The following P3H2 variants were observed in gnomAD, a reference collection of about 807,000 sequenced individuals.
P3H2 encodes the protein leprecan-like 1.
P3H2 carries 80 observed loss-of-function variants against 87.0 expected under a neutral mutation model. That is an observed-to-expected ratio of 0.92 (90% CI 0.77 to 1.11). The LOEUF (loss-of-function observed/expected upper bound fraction) is 1.11, where lower values mean the gene tolerates loss of function less well. Ranked by LOEUF, P3H2 falls within the 50% of genes least tolerant of loss-of-function variation. The pLI is 0.00. For synonymous variants in P3H2, 367 were observed against 359.3 expected, an observed-to-expected ratio of 1.02 and a Z score of -0.24; for missense variants, 1,001 against 923.9, an observed-to-expected ratio of 1.08 and a Z score of -1.08.
intron 1 of P3H2, among the ~76,000 whole-genome samples, chr3:190,040,033 T>A (rs1413984820): frequency 6.6e-6 from 1 of 152,238 alleles, no homozygotes; most frequent in Admixed American, 6.5e-5. Flanking sequence ...GTGACTATAG[T>A]TGCATTAGAT....
intron 1 of P3H2, among the ~76,000 whole-genome samples, chr3:190,062,250 T>C (rs774179767): frequency 3.9e-5 from 6 of 152,126 alleles, no homozygotes; most frequent in Admixed American, 1.3e-4. Context: ...ACCCTAATCT[T>C]TCCCCCTGTA....
intron 1 of P3H2, among the ~76,000 whole-genome samples, chr3:190,070,898 T>A (rs2108972781): frequency 6.6e-6 from 1 of 152,334 alleles, no homozygotes; most frequent in South Asian, 2.1e-4. Flanking sequence ...GACCAGAACA[T>A]CATAATCATA....
intron 10 of P3H2, among the ~76,000 whole-genome samples, chr3:189,973,506 TCTTTC>T (rs1560343041): frequency 3.2e-5 from 2 of 63,472 alleles, no homozygotes; most frequent in African/African-American, 4.6e-5. Context: ...TTTCTTTCTT[TCTTTC>T]TTTTTTTTTT....
chr3:189,993,986 T>C (rs1490216096), intron 3 of P3H2, 108 bp downstream of exon 3: 1 of 883,420 alleles, frequency 1.1e-6, no homozygotes, highest in African/African-American at 1.7e-5. Flanking sequence ...CATGAGAGTC[T>C]TTTATTTTTA....
chr3:190,066,351 T>C (rs1394661741), intron 1 of P3H2, among the ~76,000 whole-genome samples: 2 of 151,898 alleles, frequency 1.3e-5, no homozygotes, highest in Admixed American at 6.6e-5. Context: ...CTGTATGGGA[T>C]TGGTGACTAT....
chr3:190,072,620 CAAAT>C (rs1452721697), intron 1 of P3H2, among the ~76,000 whole-genome samples: 3 of 152,096 alleles, frequency 2.0e-5, no homozygotes, highest in African/African-American at 7.2e-5. Context: ...AAACTGCACA[CAAAT>C]AACTAAAAAT....
intron 1 of P3H2, among the ~76,000 whole-genome samples, chr3:190,041,102 TA>T: frequency 8.2e-5 from 1 of 12,210 alleles, no homozygotes; most frequent in Non-Finnish European, 1.5e-4. Context: ...TATATATATA[TA>T]TATACTATAT....
At chr3:190,055,308 A>C (rs891120729) in intron 1 of P3H2, among the ~76,000 whole-genome samples, 8 of 152,180 alleles carry the variant, frequency 5.3e-5, no homozygotes, top group Non-Finnish European at 1.0e-4. Flanking sequence ...AAAATTTCCC[A>C]CATTAATTTT....
At chr3:190,087,283 T>C (rs1727247352) in intron 1 of P3H2, among the ~76,000 whole-genome samples, 1 of 152,096 alleles carries the variant, frequency 6.6e-6, no homozygotes, top group Admixed American at 6.6e-5. Flanking sequence ...ACGCCTGTAA[T>C]CCCAGCACTT....
chr3:190,005,257 G>C (rs1325463072), intron 1 of P3H2, among the ~76,000 whole-genome samples: 6 of 151,908 alleles, frequency 3.9e-5, no homozygotes, highest in Admixed American at 3.9e-4. Flanking sequence ...GACATCAAAT[G>C]CTTGTCACAA....
At chr3:189,995,850 T>C (rs1724037992) in intron 1 of P3H2, among the ~76,000 whole-genome samples, 1 of 152,002 alleles carries the variant, frequency 6.6e-6, no homozygotes, top group Non-Finnish European at 1.5e-5. Context: ...AACAGGTGTG[T>C]GAAAAAATGC....
chr3:190,016,027 A>G (rs1462063771), intron 1 of P3H2, among the ~76,000 whole-genome samples: 2 of 151,844 alleles, frequency 1.3e-5, no homozygotes, highest in Non-Finnish European at 2.9e-5. Context: ...ATGAGGGTAG[A>G]CCTCTATTAA....
At chr3:190,066,158 T>TATATATATATATACACACACAC (rs1256956930) in intron 1 of P3H2, among the ~76,000 whole-genome samples, 41 of 134,596 alleles carry the variant, frequency 3.0e-4, no homozygotes, top group Non-Finnish European at 5.4e-4. Context: ...TATATATATA[T>TATATATATATATACACACACAC]ACACACACAC....
chr3:190,001,040 G>A (rs556415357), intron 1 of P3H2, among the ~76,000 whole-genome samples: 8 of 152,222 alleles, frequency 5.3e-5, no homozygotes, highest in African/African-American at 1.9e-4. Context: ...TTCCTGCCTC[G>A]ATTCCTTTCT....
intron 1 of P3H2, among the ~76,000 whole-genome samples, chr3:190,101,812 A>C (rs1711637971): frequency 6.6e-6 from 1 of 152,240 alleles, no homozygotes; most frequent in South Asian, 2.1e-4. Flanking sequence ...AAGATGTCAC[A>C]TAGGACTTTC....
At chr3:190,024,164 C>A (rs1411382110) in intron 1 of P3H2, among the ~76,000 whole-genome samples, 1 of 152,060 alleles carries the variant, frequency 6.6e-6, no homozygotes, top group South Asian at 2.1e-4. Flanking sequence ...AAATATCTAT[C>A]AGAGTACACA....
chr3:190,024,550 A>AAAAAG (rs1725031923), intron 1 of P3H2, among the ~76,000 whole-genome samples: 2 of 149,034 alleles, frequency 1.3e-5, no homozygotes, highest in Non-Finnish European at 3.0e-5. Context: ...AAAAAAAAAA[A>AAAAAG]AAAGAAAGAA....
intron 1 of P3H2, among the ~76,000 whole-genome samples, chr3:190,115,011 CAG>C (rs1277034392): frequency 2.0e-5 from 3 of 152,116 alleles, no homozygotes; most frequent in Non-Finnish European, 4.4e-5. Context: ...GTTGATAAAA[CAG>C]AGTAAGAGTG....
chr3:190,093,879 A>G (rs1433299654), intron 1 of P3H2, among the ~76,000 whole-genome samples: 8 of 152,240 alleles, frequency 5.3e-5, no homozygotes, highest in African/African-American at 1.7e-4. Context: ...ATTATACGCT[A>G]TAAGTTTAAA....
Sources: allele counts gnomAD v4.1 joint callset (sites outside exome capture counted in the v4.1 genomes callset), GRCh38; gene constraint gnomAD v4.1.1; transcripts MANE v1.5; gene names NCBI Gene and HGNC (gene_info 2026-07-23, HGNC 2026-07-21).